The following CTNNA1 variants were observed in gnomAD, a reference collection of about 807,000 sequenced individuals.
CTNNA1 encodes the protein catenin alpha 1.
In CTNNA1, 37 loss-of-function variants were observed where a neutral mutation model predicts 98.4. The ratio of observed to expected loss-of-function variants is 0.38; its 90% CI spans 0.29 to 0.49. CTNNA1 has a LOEUF of 0.49. CTNNA1 is among the 20% of genes least tolerant of loss of function. CTNNA1 has a pLI of 0.95. For synonymous variants in CTNNA1, 404 were observed against 413.2 expected (o/e 0.98, Z 0.27); for missense variants, 761 against 1,147.2 (o/e 0.66, Z 4.86).
At chr5:138,788,395 TA>T (rs552913945) in intron 3 of CTNNA1, among the ~76,000 whole-genome samples, 2 of 152,090 alleles carry the variant, frequency 1.3e-5, no homozygotes, top group Non-Finnish European at 2.9e-5. Flanking sequence ...AATGCATGGG[TA>T]GGGGTGGAGA....
intron 11 of CTNNA1, among the ~76,000 whole-genome samples, chr5:138,918,117 C>T (rs1762191028): frequency 6.6e-6 from 1 of 152,130 alleles, no homozygotes; most frequent in Non-Finnish European, 1.5e-5. Flanking sequence ...GGAGATGTTT[C>T]CCTTGATAGG....
At chr5:138,823,223 C>T (rs1254036477) in intron 5 of CTNNA1, among the ~76,000 whole-genome samples, 2 of 152,058 alleles carry the variant, frequency 1.3e-5, no homozygotes, top group African/African-American at 2.4e-5. Context: ...ACCAGAAATA[C>T]CCGCTTCCCA....
intron 1 of CTNNA1, among the ~76,000 whole-genome samples, chr5:138,777,708 A>G (rs986669875): frequency 7.3e-5 from 11 of 151,144 alleles, no homozygotes; most frequent in Admixed American, 3.3e-4. Context: ...AAATACAAAA[A>G]CCAGTCAGGC....
At chr5:138,758,362 C>T (rs937222811) in intron 1 of CTNNA1, among the ~76,000 whole-genome samples, 6 of 150,574 alleles carry the variant, frequency 4.0e-5, no homozygotes, top group Admixed American at 1.3e-4. Flanking sequence ...CCACCACACC[C>T]GGCTAACTTT....
At chr5:138,818,350 C>T (rs1184921680) in intron 5 of CTNNA1, among the ~76,000 whole-genome samples, 2 of 151,628 alleles carry the variant, frequency 1.3e-5, no homozygotes, top group South Asian at 2.1e-4. Context: ...CCTGGGCTCA[C>T]ACTGACTTCC....
chr5:138,824,519 TA>T lies in CTNNA1; in HGVS notation c.589-10del, dbSNP rs753059743. Reference sequence around the variant, plus strand: ...GAGTGCTCCAATTTCTTGTTTTATTTACTCTTGTAGGAATTGAAAGATGTTG... The same window carrying T: ...GAGTGCTCCAATTTCTTGTTTTATTTCTCTTGTAGGAATTGAAAGATGTTG... On this transcript the variant is annotated splice_polypyrimidine_tract_variant and intron_variant, in intron 5 of 17. Coordinates refer to ENST00000302763, the MANE Select transcript of CTNNA1 (RefSeq NM_001903.5). 6.2e-7 allele frequency: 1 copy of T among 1,608,028 alleles called. No homozygotes were observed. The highest frequency in any genetic ancestry group is 1.3e-5 in the African/African-American group (1 of 74,896).
At chr5:138,882,123 A>G in intron 7 of CTNNA1, among the ~76,000 whole-genome samples, 1 of 152,214 alleles carries the variant, frequency 6.6e-6, no homozygotes, top group Non-Finnish European at 1.5e-5. Context: ...ACAGGTAGTT[A>G]TCCTAAGGTA....
chr5:138,912,966 ATTG>A (rs1194178443), intron 10 of CTNNA1, among the ~76,000 whole-genome samples: 2 of 152,122 alleles, frequency 1.3e-5, no homozygotes, highest in Non-Finnish European at 2.9e-5. Flanking sequence ...GACGTCTCCC[ATTG>A]TTATTTTGAA....
chr5:138,876,307 A>T (rs536389877), intron 7 of CTNNA1, among the ~76,000 whole-genome samples: 1 of 152,208 alleles, frequency 6.6e-6, no homozygotes, highest in Non-Finnish European at 1.5e-5. Context: ...GACTTAACTG[A>T]GCCTACTGCT....
chr5:138,823,336 C>T (rs778087578), intron 5 of CTNNA1, among the ~76,000 whole-genome samples: 3 of 152,122 alleles, frequency 2.0e-5, no homozygotes, highest in Admixed American at 6.5e-5. Flanking sequence ...CCAAGGACCT[C>T]AAATCCTTCT....
intron 1 of CTNNA1, among the ~76,000 whole-genome samples, chr5:138,763,095 C>T (rs1438123405): frequency 1.2e-5 from 1 of 84,572 alleles, no homozygotes; most frequent in African/African-American, 3.7e-5. Flanking sequence ...TGTCTTATTG[C>T]TATGTTTTTT....
rs565656906 is a variant in CTNNA1, at chr5:138,907,535, G to T, written c.1389+3094G>T. Among the ~76,000 whole-genome samples, 3 of 152,286 alleles carry T rather than the reference G, an allele frequency of 2.0e-5. No individual in the cohort carries two copies. The South Asian group carries it at 6.2e-4, about 32-fold the overall frequency. The stretch of plus-strand genomic sequence containing the variant: ...AAGGGCTGTCCCTCGGAGGAAGAGG[G>T]CCTTGATTGTGGAGACCTCTGCCTC... On this transcript the variant is annotated intron_variant, in intron 10 of 17. Coordinates refer to ENST00000302763, the MANE Select transcript of CTNNA1 (RefSeq NM_001903.5).
At chr5:138,762,993 A>G (rs700623) in intron 1 of CTNNA1, among the ~76,000 whole-genome samples, 98,343 of 151,938 alleles carry the variant, frequency 0.65, 32,572 homozygotes, top group East Asian at 0.89. Context: ...TGATTCCATC[A>G]TATCAAGCTG....
intron 12 of CTNNA1, 36 bp downstream of exon 12, chr5:138,924,746 C>T (rs1326437464): frequency 4.6e-6 from 7 of 1,530,808 alleles, no homozygotes; most frequent in Admixed American, 2.0e-5. Flanking sequence ...CTCGCACACA[C>T]CGCAGCCTCA....
At chr5:138,861,027 CTT>C (rs1193216797) in intron 7 of CTNNA1, among the ~76,000 whole-genome samples, 7 of 151,388 alleles carry the variant, frequency 4.6e-5, no homozygotes, top group Non-Finnish European at 1.0e-4. Context: ...TGAACACAAT[CTT>C]TTTTTTTGGA....
chr5:138,759,980 CTTTTTTTTT>C (rs70982734), intron 1 of CTNNA1, among the ~76,000 whole-genome samples: 12 of 61,228 alleles, frequency 2.0e-4, no homozygotes, highest in South Asian at 9.3e-4. Context: ...AATTTCTTTC[CTTTTTTTTT>C]TTTTTTTTTT....
intron 4 of CTNNA1, 40 bp downstream of exon 4, chr5:138,810,244 A>C: frequency 1.3e-6 from 2 of 1,590,532 alleles, no homozygotes; most frequent in South Asian, 2.2e-5. Context: ...GTTCTATCAC[A>C]GGAAGATTGC....
intron 7 of CTNNA1, among the ~76,000 whole-genome samples, chr5:138,876,291 G>A (rs1276293698): frequency 2.0e-5 from 3 of 152,224 alleles, no homozygotes; most frequent in Admixed American, 1.3e-4. Context: ...CAGCCACCAA[G>A]TGGCTGACTT....
intron 1 of CTNNA1, among the ~76,000 whole-genome samples, chr5:138,770,452 C>T (rs1180786408): frequency 6.6e-6 from 1 of 152,192 alleles, no homozygotes; most frequent in Non-Finnish European, 1.5e-5. Context: ...CAAACTGTCA[C>T]TTCACCCCAG....
Sources: gnomAD v4.1 joint callset for allele counts (sites outside exome capture counted in the v4.1 genomes callset) on GRCh38, gnomAD v4.1.1 for gene constraint, MANE v1.5 for transcripts, NCBI Gene and HGNC (gene_info 2026-07-23, HGNC 2026-07-21) for gene names.